PRKCA: variants seen among roughly 807,000 people sequenced by gnomAD.
PRKCA encodes the protein protein kinase C alpha type.
A neutral mutation model predicts 87.0 loss-of-function variants in PRKCA; 27 were observed. The observed-to-expected ratio is 0.31, with a 90% CI of 0.23 to 0.43. The LOEUF (loss-of-function observed/expected upper bound fraction) is 0.43, where lower values mean the gene tolerates loss of function less well. Among genes scored for constraint, PRKCA ranks in the 20% least tolerant of loss-of-function variants. PRKCA has a pLI of 1.00. For synonymous variants in PRKCA, 329 were observed against 311.1 expected, an observed-to-expected ratio of 1.06 and a Z score of -0.61; for missense variants, 518 against 852.3, an observed-to-expected ratio of 0.61 and a Z score of 4.88.
At chr17:66,544,859 C>T (rs1968097195) in intron 3 of PRKCA, among the ~76,000 whole-genome samples, 1 of 152,138 alleles carries the variant, frequency 6.6e-6, no homozygotes, top group African/African-American at 2.4e-5. Context: ...TCCCAAAGTG[C>T]TGGGATTACA....
intron 3 of PRKCA, among the ~76,000 whole-genome samples, chr17:66,586,229 C>A (rs576502753): frequency 6.6e-6 from 1 of 152,200 alleles, no homozygotes; most frequent in East Asian, 1.9e-4. Context: ...AGCTGAGGAG[C>A]CCTAAGCCCA....
chr17:66,507,063 T>C (rs1476372241), intron 3 of PRKCA, among the ~76,000 whole-genome samples: 3 of 152,244 alleles, frequency 2.0e-5, no homozygotes, highest in Non-Finnish European at 2.9e-5. Flanking sequence ...CTTGCATTTA[T>C]TCATTGTATG....
intron 8 of PRKCA, among the ~76,000 whole-genome samples, chr17:66,702,745 A>C (rs1390667559): frequency 1.3e-5 from 2 of 152,202 alleles, no homozygotes; most frequent in Non-Finnish European, 2.9e-5. Flanking sequence ...CTGAAAATGT[A>C]TCACTAAGAG....
At chr17:66,574,743 A>G (rs1969181749) in intron 3 of PRKCA, among the ~76,000 whole-genome samples, 1 of 151,718 alleles carries the variant, frequency 6.6e-6, no homozygotes, top group South Asian at 2.1e-4. Context: ...AAAAAATCCT[A>G]AATTCCAAGC....
At chr17:66,571,421 A>T (rs992886640) in intron 3 of PRKCA, among the ~76,000 whole-genome samples, 1 of 152,212 alleles carries the variant, frequency 6.6e-6, no homozygotes, top group African/African-American at 2.4e-5. Context: ...AAATTACAAC[A>T]TGCCACATTA....
intron 8 of PRKCA, among the ~76,000 whole-genome samples, chr17:66,713,049 C>CTTTTTTTTTTTTT (rs564655403): frequency 1.9e-5 from 2 of 104,432 alleles, no homozygotes; most frequent in Admixed American, 1.1e-4. Flanking sequence ...CTTTGTTGTC[C>CTTTTTTTTTTTTT]TTTTTTTTTT....
chr17:66,441,474 T>C (rs1164744479), intron 2 of PRKCA, among the ~76,000 whole-genome samples: 1 of 152,216 alleles, frequency 6.6e-6, no homozygotes, highest in Non-Finnish European at 1.5e-5. Context: ...CTGCTTCTGT[T>C]TCTAAAAATG....
chr17:66,343,387 ATCACTGAATGGCCTAACTTCC>A (rs1457207921), intron 2 of PRKCA, among the ~76,000 whole-genome samples: 9 of 152,180 alleles, frequency 5.9e-5, no homozygotes, highest in African/African-American at 2.2e-4. Context: ...TTTGTTATCC[ATCACTGAATGGCCTAACTTCC>A]TTTCAAACAG....
chr17:66,595,441 T>A (rs1462617039), intron 3 of PRKCA, among the ~76,000 whole-genome samples: 1 of 147,758 alleles, frequency 6.8e-6, no homozygotes, highest in Non-Finnish European at 1.5e-5. Context: ...TTGCAAAAAC[T>A]CTATTTTATT....
intron 2 of PRKCA, among the ~76,000 whole-genome samples, chr17:66,426,173 G>A (rs909767808): frequency 2.6e-5 from 4 of 152,184 alleles, no homozygotes; most frequent in African/African-American, 7.2e-5. Context: ...CTAGGATAGA[G>A]GTGAACATGA....
chr17:66,386,446 G>C (rs1009240428), intron 2 of PRKCA, among the ~76,000 whole-genome samples: 2 of 152,160 alleles, frequency 1.3e-5, no homozygotes, highest in Non-Finnish European at 2.9e-5. Context: ...TTGCCAGTTC[G>C]TCGACTCTGA....
intron 3 of PRKCA, among the ~76,000 whole-genome samples, chr17:66,535,602 T>C (rs1415212395): frequency 6.6e-6 from 1 of 152,152 alleles, no homozygotes; most frequent in Non-Finnish European, 1.5e-5. Flanking sequence ...AACACAGCTC[T>C]CGAGGGGTTC....
At chr17:66,482,098 C>CAAAAAAAAAAAAAAAA (rs58719328) in intron 2 of PRKCA, among the ~76,000 whole-genome samples, 18 of 89,334 alleles carry the variant, frequency 2.0e-4, no homozygotes, top group Non-Finnish European at 3.1e-4. Context: ...AAGACTGTCT[C>CAAAAAAAAAAAAAAAA]AAAAAAAAAA....
intron 13 of PRKCA, among the ~76,000 whole-genome samples, chr17:66,751,388 A>C (rs2144264487): frequency 6.6e-6 from 1 of 152,320 alleles, no homozygotes; most frequent in South Asian, 2.1e-4. Context: ...GCCTCAGAGC[A>C]CAGGCTGGCG....
intron 2 of PRKCA, among the ~76,000 whole-genome samples, chr17:66,475,080 A>G (rs951638137): frequency 4.6e-5 from 7 of 152,192 alleles, no homozygotes; most frequent in African/African-American, 1.4e-4. Flanking sequence ...AGGTATTTGC[A>G]GACAGCTAAG....
chr17:66,417,758 C>T (rs985784107), intron 2 of PRKCA, among the ~76,000 whole-genome samples: 2 of 152,092 alleles, frequency 1.3e-5, no homozygotes, highest in Non-Finnish European at 1.5e-5. Context: ...AGGACTTTTC[C>T]TGATAGAGAT....
intron 8 of PRKCA, among the ~76,000 whole-genome samples, chr17:66,697,073 CAG>C: frequency 6.6e-6 from 1 of 152,216 alleles, no homozygotes; most frequent in Non-Finnish European, 1.5e-5. Context: ...CCTGTCTCCT[CAG>C]AGAGTCGAGA....
intron 3 of PRKCA, among the ~76,000 whole-genome samples, chr17:66,640,083 C>T (rs1269421133): frequency 6.6e-6 from 1 of 152,164 alleles, no homozygotes; most frequent in Non-Finnish European, 1.5e-5. Flanking sequence ...GTGGTACCTA[C>T]CTACCCTGTG....
chr17:66,556,351 A>C (rs1968494464), intron 3 of PRKCA, among the ~76,000 whole-genome samples: 1 of 146,314 alleles, frequency 6.8e-6, no homozygotes, highest in African/African-American at 2.6e-5. Context: ...TGGTCAAGAC[A>C]ATAGTCTTCA....
Sources: allele counts gnomAD v4.1 joint callset (sites outside exome capture counted in the v4.1 genomes callset), GRCh38; gene constraint gnomAD v4.1.1; transcripts MANE v1.5; gene names NCBI Gene and HGNC (gene_info 2026-07-23, HGNC 2026-07-21).